MAP7: variants seen among roughly 807,000 people sequenced by gnomAD.
The protein encoded by MAP7 is ensconsin.
A neutral mutation model predicts 94.8 loss-of-function variants in MAP7; 52 were observed. The observed-to-expected ratio is 0.55, with a 90% CI of 0.44 to 0.69. The LOEUF is 0.69. Ranked by LOEUF, MAP7 falls within the 30% of genes least tolerant of loss-of-function variation. The pLI, the probability that MAP7 is intolerant of heterozygous loss-of-function variation, is 0.00. For synonymous variants in MAP7, 350 were observed against 357.0 expected, an observed-to-expected ratio of 0.98 and a Z score of 0.22; for missense variants, 940 against 964.6, an observed-to-expected ratio of 0.97 and a Z score of 0.34.
Position 136,431,665 on chromosome 6 carries a change from G to A in MAP7, c.68-9866C>T, listed in dbSNP as rs368083206. On this transcript the variant is annotated intron_variant, in intron 1 of 17. Transcript: ENST00000354570. ...CCCGAGTAGCTGGGACTACAGGCGC[G>A]TGCCACCATGCCTGGCTAATTTTTG... Among the ~76,000 whole-genome samples the A allele has an allele frequency of 3.3e-4, 50 of 152,188 alleles. 1 individual carries two copies. Among genetic ancestry groups the A allele is most frequent in the African/African-American group, 1.2e-3 (48 of 41,510 alleles).
chr6:136,504,114 T>C (rs574996438), intron 1 of MAP7, among the ~76,000 whole-genome samples: 1 of 152,290 alleles, frequency 6.6e-6, no homozygotes, highest in South Asian at 2.1e-4. Flanking sequence ...CAAACTGATA[T>C]GTTAATATGA....
At chr6:136,353,832 C>T (rs536200354) in intron 16 of MAP7, among the ~76,000 whole-genome samples, 211 of 152,104 alleles carry the variant, frequency 1.4e-3, no homozygotes, top group African/African-American at 4.8e-3. Flanking sequence ...GGATTACAGG[C>T]GTAAGCCACC....
chr6:136,396,155 T>C (rs1167230661), intron 3 of MAP7, among the ~76,000 whole-genome samples: 1 of 152,106 alleles, frequency 6.6e-6, no homozygotes, highest in Non-Finnish European at 1.5e-5. Flanking sequence ...TTAAGTATGG[T>C]CATTTTCACA....
chr6:136,360,978 CG>C, intron 12 of MAP7, 26 bp downstream of exon 12: 2 of 1,549,994 alleles, frequency 1.3e-6, no homozygotes, highest in Non-Finnish European at 1.7e-6. Flanking sequence ...GGACTGGGGC[CG>C]GGGCCAGGGT....
At chr6:136,455,551 C>T (rs1284242935) in intron 1 of MAP7, among the ~76,000 whole-genome samples, 2 of 151,920 alleles carry the variant, frequency 1.3e-5, no homozygotes, top group African/African-American at 2.4e-5. Flanking sequence ...AGGATATGTC[C>T]CAAAACAAGT....
intron 1 of MAP7, among the ~76,000 whole-genome samples, chr6:136,465,296 T>C (rs1199984405): frequency 6.6e-6 from 1 of 152,220 alleles, no homozygotes; most frequent in African/African-American, 2.4e-5. Flanking sequence ...TAAAAAATTC[T>C]CCCTTCAATT....
intron 11 of MAP7, among the ~76,000 whole-genome samples, chr6:136,362,169 T>C (rs1334351673): frequency 6.6e-6 from 1 of 152,046 alleles, no homozygotes; most frequent in Non-Finnish European, 1.5e-5. Flanking sequence ...GTCTGCAATC[T>C]CAACACTTTG....
chr6:136,354,548 C>T (rs921665022), intron 16 of MAP7, among the ~76,000 whole-genome samples: 2 of 150,432 alleles, frequency 1.3e-5, no homozygotes, highest in Non-Finnish European at 3.0e-5. Flanking sequence ...TCATATTAGG[C>T]TTATTCTTAT....
chr6:136,423,307 T>C (rs559533262), intron 1 of MAP7, among the ~76,000 whole-genome samples: 1 of 152,162 alleles, frequency 6.6e-6, no homozygotes, highest in Non-Finnish European at 1.5e-5. Context: ...GGGGAAAACA[T>C]CTACTTTCAG....
chr6:136,356,179 T>C (rs1378031637), intron 16 of MAP7, among the ~76,000 whole-genome samples: 2 of 152,184 alleles, frequency 1.3e-5, no homozygotes, highest in East Asian at 3.8e-4. Context: ...TTTTGTTTTG[T>C]TTTTTGAGAC....
At chr6:136,383,578 GCAA>G in intron 6 of MAP7, 90 bp downstream of exon 6, 2 of 662,886 alleles carry the variant, frequency 3.0e-6, no homozygotes, top group Non-Finnish European at 4.9e-6. Flanking sequence ...CGTAGGGAAA[GCAA>G]CTTCAGATGC....
chr6:136,505,898 C>T (rs1821364712), intron 1 of MAP7, among the ~76,000 whole-genome samples: 1 of 152,068 alleles, frequency 6.6e-6, no homozygotes, highest in South Asian at 2.1e-4. Flanking sequence ...GAAAAACAAC[C>T]ATTAGACATT....
rs532639872 is a variant in MAP7 at position 136,388,413 on chromosome 6, C to G, written c.506G>C (p.Ser169Thr). The change falls in exon 5 of 18, where the codon AGC becomes ACC. Residue 169 changes from serine to threonine, a missense_variant. Transcript: ENST00000354570. Reference protein sequence around the residue: ...RWSWGGSLHGSPSIHSADPDR... With the variant: ...RWSWGGSLHGTPSIHSADPDR... ...TTTACCTGCACTGTGGATGCTAGGG[C>G]TCCCATGGAGAGAGCCTCCCCACGA... The G allele has an allele frequency of 1.1e-5, 17 of 1,613,930 alleles. No homozygotes were observed. In the East Asian group the frequency reaches 3.1e-4, roughly 30 times the overall value.
intron 1 of MAP7, among the ~76,000 whole-genome samples, chr6:136,434,192 A>G (rs2038078): frequency 0.74 from 111,891 of 151,548 alleles, 42,477 homozygotes; most frequent in Middle Eastern, 0.85. Flanking sequence ...CTGTAAACCC[A>G]GCTACTCGGG....
chr6:136,353,250 G>C (rs1475717144), intron 16 of MAP7, among the ~76,000 whole-genome samples: 1 of 152,166 alleles, frequency 6.6e-6, no homozygotes, highest in East Asian at 1.9e-4. Context: ...TCCATTTTCA[G>C]GTGTATTTCA....
intron 3 of MAP7, among the ~76,000 whole-genome samples, chr6:136,390,064 A>G (rs1459047877): frequency 6.6e-6 from 1 of 152,214 alleles, no homozygotes. Context: ...AGGAGCTCAC[A>G]ATTTAGTTAG....
chr6:136,546,261 C>T (rs920048334), intron 1 of MAP7, among the ~76,000 whole-genome samples: 2 of 151,916 alleles, frequency 1.3e-5, no homozygotes, highest in Admixed American at 6.6e-5. Context: ...GATCTGCCTG[C>T]TTCAGCCTCC....
At chr6:136,471,429 T>A (rs1687336161) in intron 1 of MAP7, among the ~76,000 whole-genome samples, 2 of 152,216 alleles carry the variant, frequency 1.3e-5, no homozygotes, top group Non-Finnish European at 2.9e-5. Flanking sequence ...TTTTCAACAT[T>A]TACAATCTAA....
At chr6:136,429,486 T>G (rs1474410895) in intron 1 of MAP7, among the ~76,000 whole-genome samples, 2 of 152,228 alleles carry the variant, frequency 1.3e-5, no homozygotes, top group African/African-American at 4.8e-5. Flanking sequence ...TTTGGGAAAT[T>G]TGTAAACCCC....
Sources: allele counts gnomAD v4.1 joint callset (sites outside exome capture counted in the v4.1 genomes callset), GRCh38; gene constraint gnomAD v4.1.1; transcripts MANE v1.5; gene names NCBI Gene and HGNC (gene_info 2026-07-23, HGNC 2026-07-21).